The following SPTBN1 variants were observed in gnomAD, a reference collection of about 807,000 sequenced individuals.
SPTBN1 encodes the protein spectrin beta chain, non-erythrocytic 1.
In SPTBN1, 32 loss-of-function variants were observed where a neutral mutation model predicts 266.4. The observed-to-expected ratio is 0.12, with a 90% CI of 0.09 to 0.16. SPTBN1 has a LOEUF of 0.16. Ranked by LOEUF, SPTBN1 falls within the 10% of genes least tolerant of loss-of-function variation. The probability of loss-of-function intolerance (pLI) is 1.00; values close to 1 mark genes in which losing one functional copy is unlikely to be tolerated. For synonymous variants in SPTBN1, 1,336 were observed against 1,162.2 expected (o/e 1.15, Z -3.04); for missense variants, 2,296 against 3,067.1 (o/e 0.75, Z 5.94).
At chr2:54,668,194 C>G (rs1558488150) in intron 35 of SPTBN1, among the ~76,000 whole-genome samples, 157 bp from the exon 36 acceptor site, 1 of 152,190 alleles carries the variant, frequency 6.6e-6, no homozygotes, top group Non-Finnish European at 1.5e-5. Flanking sequence ...GGTTCCCTCT[C>G]CTGTACTGAT....
intron 2 of SPTBN1, among the ~76,000 whole-genome samples, chr2:54,552,959 G>A (rs1672663801): frequency 6.6e-6 from 1 of 152,236 alleles, no homozygotes; most frequent in African/African-American, 2.4e-5. Context: ...AGGTGCCACT[G>A]GGGAGAAAGG....
intron 1 of SPTBN1, among the ~76,000 whole-genome samples, chr2:54,489,422 C>T (rs1397461081): frequency 2.6e-5 from 4 of 152,076 alleles, no homozygotes; most frequent in South Asian, 4.1e-4. Context: ...AATTCTAAGC[C>T]GGATGTGGTG....
At chr2:54,599,675 G>A (rs1465541612) in intron 3 of SPTBN1, among the ~76,000 whole-genome samples, 3 of 152,228 alleles carry the variant, frequency 2.0e-5, no homozygotes, top group Admixed American at 2.0e-4. Context: ...ATTGAATTCA[G>A]TGGCCACTGA....
chr2:54,548,004 G>A (rs1205124541), intron 2 of SPTBN1, among the ~76,000 whole-genome samples: 1 of 152,122 alleles, frequency 6.6e-6, no homozygotes, highest in Non-Finnish European at 1.5e-5. Flanking sequence ...TTAGCCAGGC[G>A]TGGTGGCGGG....
At chr2:54,557,884 T>C in intron 2 of SPTBN1, 3 of 985,366 alleles carry the variant, frequency 3.0e-6, no homozygotes, top group Non-Finnish European at 3.6e-6. Flanking sequence ...TTGTCTGACT[T>C]CTTCCCGGTG....
chr2:54,538,696 CATT>C (rs1434547044), intron 2 of SPTBN1, among the ~76,000 whole-genome samples: 1 of 152,198 alleles, frequency 6.6e-6, no homozygotes, highest in African/African-American at 2.4e-5. Context: ...ATAATGACAT[CATT>C]GACTGATGGG....
intron 1 of SPTBN1, among the ~76,000 whole-genome samples, chr2:54,505,115 C>T (rs1460659060): frequency 6.6e-6 from 1 of 152,166 alleles, no homozygotes; most frequent in East Asian, 1.9e-4. Context: ...ATCTTCTGAG[C>T]CTCATTGAAG....
At chr2:54,608,588 A>T (rs1677005403) in intron 3 of SPTBN1, among the ~76,000 whole-genome samples, 1 of 152,104 alleles carries the variant, frequency 6.6e-6, no homozygotes. Flanking sequence ...AGGGGGAGTG[A>T]TGGGAAATAG....
chr2:54,498,825 T>C (rs1669106231), intron 1 of SPTBN1, among the ~76,000 whole-genome samples: 8 of 152,214 alleles, frequency 5.3e-5, no homozygotes, highest in Admixed American at 4.6e-4. Context: ...TGTTGGGTGC[T>C]GGAGATACAT....
At chr2:54,532,931 ATTCT>A (rs1311812078) in intron 2 of SPTBN1, among the ~76,000 whole-genome samples, 1 of 152,172 alleles carries the variant, frequency 6.6e-6, no homozygotes, top group East Asian at 1.9e-4. Context: ...TAGAAGATTC[ATTCT>A]TAACATAGAC....
At chr2:54,650,503 C>T (rs1680203052) in intron 26 of SPTBN1, among the ~76,000 whole-genome samples, 1 of 152,160 alleles carries the variant, frequency 6.6e-6, no homozygotes, top group Non-Finnish European at 1.5e-5. Context: ...CTCTAGTTTC[C>T]TTTCTGATCT....
intron 1 of SPTBN1, chr2:54,515,748 A>C (rs1670078395): frequency 6.6e-6 from 1 of 152,206 alleles, no homozygotes; most frequent in Non-Finnish European, 1.5e-5. Flanking sequence ...GCTGGTCTCG[A>C]ACTCATGGCC....
At chr2:54,562,488 C>T (rs536263519) in intron 2 of SPTBN1, among the ~76,000 whole-genome samples, 1 of 151,508 alleles carries the variant, frequency 6.6e-6, no homozygotes, top group South Asian at 2.1e-4. Context: ...CAAATGCCTA[C>T]TCTTCCATTT....
Position 54,629,919 on chromosome 2 carries a change from C to G in SPTBN1, c.2697C>G (p.Asn899Lys). 1 of 1,614,070 alleles carries G rather than the reference C, an allele frequency of 6.2e-7. No individual in the cohort carries two copies. The highest frequency in any genetic ancestry group is 8.5e-7 in the Non-Finnish European group (1 of 1,180,038). Reference protein sequence around the residue: ...HRFESLEPEMNNQASRVAVVN... With the variant: ...HRFESLEPEMKNQASRVAVVN... ...TTGAGAGCCTAGAACCAGAAATGAA[C>G]AACCAGGCTTCCCGGGTTGCAGTGG... is the stretch of plus-strand genomic sequence containing the variant. Residue 899 changes from asparagine to lysine, a missense_variant, in exon 15 of 36, where the codon AAC becomes AAG. By Grantham distance (94) the Asn-to-Lys change is moderately conservative. This residue lies in a region of SPTBN1 where 434 missense variants were observed against 573.9 expected (regional missense o/e 0.76). Coordinates refer to ENST00000356805, the MANE Select transcript of SPTBN1 (RefSeq NM_003128.3).
At chr2:54,580,148 A>T (rs1019572973) in intron 2 of SPTBN1, among the ~76,000 whole-genome samples, 10 of 152,334 alleles carry the variant, frequency 6.6e-5, no homozygotes, top group Admixed American at 1.3e-4. Flanking sequence ...TTCCGGCCAC[A>T]CGGAACCTGA....
chr2:54,572,532 G>A (rs1573443303), intron 2 of SPTBN1, among the ~76,000 whole-genome samples: 1 of 152,282 alleles, frequency 6.6e-6, no homozygotes, highest in East Asian at 1.9e-4. Flanking sequence ...AACTTAGATA[G>A]CACACGAATG....
intron 9 of SPTBN1, among the ~76,000 whole-genome samples, chr2:54,622,741 A>T (rs1257836254): frequency 6.6e-6 from 1 of 152,082 alleles, no homozygotes; most frequent in Non-Finnish European, 1.5e-5. Context: ...CAAGTCCCCA[A>T]CCCCTTATCC....
Position 54,558,744 on chromosome 2 carries a change from A to T in SPTBN1, c.148+32178A>T, listed in dbSNP as rs776530232. On this transcript the variant is annotated intron_variant, in intron 2 of 35. Coordinates refer to ENST00000356805, the MANE Select transcript of SPTBN1 (RefSeq NM_003128.3). The surrounding 1 kb of genome is among the most constrained non-coding windows in gnomAD (Gnocchi z 4.6). ...GGGAGGGGGCTGGAGCGAGATTTCC[A>T]GGGCGCAGTCCTCCGGGGCGTTACG... 1 of 1,599,460 alleles carries T rather than the reference A, an allele frequency of 6.3e-7. No individual in the cohort carries two copies. Among genetic ancestry groups the T allele is most frequent in the East Asian group, 2.3e-5 (1 of 44,132 alleles).
chr2:54,550,129 G>T (rs1011646327), intron 2 of SPTBN1, among the ~76,000 whole-genome samples: 8 of 152,232 alleles, frequency 5.3e-5, no homozygotes, highest in African/African-American at 1.7e-4. Flanking sequence ...AAAGAGGGAA[G>T]GGTGTTTTAT....
Sources: gnomAD v4.1 joint callset for allele counts (sites outside exome capture counted in the v4.1 genomes callset) on GRCh38, gnomAD v4.1.1 for gene constraint, gnomAD v4.1.1 regional missense constraint, Gnocchi (gnomAD v3.1) non-coding constraint, MANE v1.5 for transcripts, NCBI Gene and HGNC (gene_info 2026-07-23, HGNC 2026-07-21) for gene names.